The following PDE10A variants were observed in gnomAD, a reference collection of about 807,000 sequenced individuals.
PDE10A encodes cAMP and cAMP-inhibited cGMP 3',5'-cyclic phosphodiesterase 10A.
In PDE10A, 39 loss-of-function variants were observed where a neutral mutation model predicts 97.7. The ratio of observed to expected loss-of-function variants is 0.40; its 90% CI spans 0.31 to 0.52. The LOEUF (loss-of-function observed/expected upper bound fraction) is 0.52, where lower values mean the gene tolerates loss of function less well. Among genes scored for constraint, PDE10A ranks in the 20% least tolerant of loss-of-function variants. The probability of loss-of-function intolerance (pLI) is 0.56; values close to 1 mark genes in which losing one functional copy is unlikely to be tolerated. For missense variants in PDE10A, 731 were observed against 1,047.8 expected, an observed-to-expected ratio of 0.70 and a Z score of 4.17; for synonymous variants, 371 against 376.8, an observed-to-expected ratio of 0.98 and a Z score of 0.18.
chr6:165,875,353 G>T (rs1214192681), intron 1 of PDE10A, among the ~76,000 whole-genome samples: 3 of 152,132 alleles, frequency 2.0e-5, no homozygotes, highest in African/African-American at 7.2e-5. Flanking sequence ...GTCATACTTG[G>T]TCATCTTCAT....
chr6:165,361,544 C>T (rs1057095415), intron 18 of PDE10A, among the ~76,000 whole-genome samples: 24 of 152,046 alleles, frequency 1.6e-4, no homozygotes, highest in Non-Finnish European at 3.1e-4. Context: ...AGACATAATT[C>T]GTTAAGATGA....
intron 1 of PDE10A, among the ~76,000 whole-genome samples, chr6:165,748,139 A>G (rs193030968): frequency 3.0e-4 from 45 of 152,298 alleles, no homozygotes; most frequent in African/African-American, 8.9e-4. Context: ...AGGGTAGAGA[A>G]CCCATGTCAG....
chr6:165,757,058 C>T (rs1203386936), intron 1 of PDE10A, among the ~76,000 whole-genome samples: 1 of 151,932 alleles, frequency 6.6e-6, no homozygotes, highest in Non-Finnish European at 1.5e-5. Context: ...ACATCCACCT[C>T]CTGGGTTCAA....
intron 3 of PDE10A, among the ~76,000 whole-genome samples, chr6:165,471,676 T>A (rs1779017452): frequency 6.6e-6 from 1 of 152,120 alleles, no homozygotes; most frequent in Non-Finnish European, 1.5e-5. Context: ...TGTTTTAATA[T>A]CACATATCTG....
chr6:165,596,453 G>A (rs972218904), intron 1 of PDE10A, among the ~76,000 whole-genome samples: 2 of 152,194 alleles, frequency 1.3e-5, no homozygotes, highest in African/African-American at 4.8e-5. Context: ...AATGAACCAG[G>A]TGCAGCAGTT....
chr6:165,338,190 T>C (rs968697305), intron 20 of PDE10A, among the ~76,000 whole-genome samples: 1 of 152,226 alleles, frequency 6.6e-6, no homozygotes, highest in African/African-American at 2.4e-5. Context: ...GTGGAGGCAA[T>C]GGCCATTCAT....
At chr6:165,450,656 G>A (rs1791226953) in intron 3 of PDE10A, among the ~76,000 whole-genome samples, 2 of 151,870 alleles carry the variant, frequency 1.3e-5, no homozygotes, top group African/African-American at 4.8e-5. Context: ...CACCTCCTGG[G>A]CCCATCCTCC....
intron 1 of PDE10A, among the ~76,000 whole-genome samples, chr6:165,849,248 G>A (rs189576247): frequency 1.5e-3 from 230 of 152,166 alleles, no homozygotes; most frequent in African/African-American, 5.2e-3. Context: ...TAACACATTC[G>A]GAACTAGTAA....
intron 1 of PDE10A, among the ~76,000 whole-genome samples, chr6:165,565,069 T>C (rs1784709701): frequency 6.6e-6 from 1 of 152,126 alleles, no homozygotes; most frequent in East Asian, 1.9e-4. Context: ...ATTCCATTCA[T>C]AAAGTAGCCA....
intron 1 of PDE10A, among the ~76,000 whole-genome samples, chr6:165,848,771 G>C (rs982351405): frequency 1.3e-5 from 2 of 152,174 alleles, no homozygotes; most frequent in Admixed American, 1.3e-4. Flanking sequence ...GGGGAATCAA[G>C]GTTGGTTAAT....
chr6:165,655,563 T>A lies in PDE10A; in HGVS notation c.865+6384A>T, dbSNP rs1789905073. Among the ~76,000 whole-genome samples the A allele has an allele frequency of 6.6e-6, 1 of 152,080 alleles. No homozygotes were observed. ...AAACACCTCCTGAACCACCGCGGCATTTTGCTTCTACCATCATCGCCGTGA... is the reference window on the plus strand; with the variant it reads ...AAACACCTCCTGAACCACCGCGGCAATTTGCTTCTACCATCATCGCCGTGA... On this transcript the variant is annotated intron_variant, in intron 1 of 21. Transcript: ENST00000539869. The surrounding 1 kb of genome is among the most constrained non-coding windows in gnomAD (Gnocchi z 4.5).
intron 1 of PDE10A, 22 bp from the exon 2 acceptor site, chr6:165,543,590 T>C: frequency 6.3e-7 from 1 of 1,590,704 alleles, no homozygotes; most frequent in Non-Finnish European, 8.6e-7. Flanking sequence ...TTGAAAAGAA[T>C]AAAATTCACC....
chr6:165,856,540 C>T lies in PDE10A; in HGVS notation c.-615+130989G>A, dbSNP rs375481640. Among the ~76,000 whole-genome samples the T allele has an allele frequency of 1.6e-4, 25 of 152,308 alleles. No individual in the cohort carries two copies. The East Asian group carries it at 4.0e-3, about 25-fold the overall frequency. The stretch of plus-strand genomic sequence containing the variant: ...GATAAAGACTAGTTGTAGCTGTTTC[C>T]ATTCTGTAAATATGTATGCAATGTA... On this transcript the variant is annotated intron_variant, in intron 1 of 19. Coordinates refer to the PDE10A transcript ENST00000366882.
rs146661947 is a variant in PDE10A at position 165,634,252 on chromosome 6, C to CGT, written c.865+27693_865+27694dup. On this transcript the variant is annotated intron_variant, in intron 1 of 21. Transcript: ENST00000539869. ...GTCTGCAGCGGTGCCCACTGAAGAT[C>CGT]GTGTGTGTGTGTGTGGAGCGTCATG... 5.1e-3 allele frequency among the ~76,000 whole-genome samples: 775 copies of CGT among 151,574 alleles called. 29 individuals are homozygous for CGT. In the East Asian group the frequency reaches 0.092, roughly 18 times the overall value.
At chr6:165,951,010 C>A (rs1346128100) in intron 1 of PDE10A, among the ~76,000 whole-genome samples, 1 of 152,134 alleles carries the variant, frequency 6.6e-6, no homozygotes, top group African/African-American at 2.4e-5. Flanking sequence ...TGTGGGTTAT[C>A]TTGGTTCTTA....
At chr6:165,626,447 T>C (rs1788390595) in intron 1 of PDE10A, among the ~76,000 whole-genome samples, 1 of 152,148 alleles carries the variant, frequency 6.6e-6, no homozygotes, top group African/African-American at 2.4e-5. Flanking sequence ...TATAGAAAAT[T>C]TTCTGAGTTA....
chr6:165,946,359 C>G (rs1425700768), intron 1 of PDE10A, among the ~76,000 whole-genome samples: 2 of 151,958 alleles, frequency 1.3e-5, no homozygotes, highest in Admixed American at 1.3e-4. Context: ...GCCGGGTGTG[C>G]TGGCATGCGC....
At chr6:165,556,732 A>G (rs1784274281) in intron 1 of PDE10A, among the ~76,000 whole-genome samples, 1 of 152,334 alleles carries the variant, frequency 6.6e-6, no homozygotes, top group Admixed American at 6.5e-5. Flanking sequence ...TGAAAGGGCA[A>G]GTACAGCCTT....
intron 1 of PDE10A, among the ~76,000 whole-genome samples, chr6:165,724,718 T>A (rs1027402238): frequency 1.2e-4 from 19 of 152,364 alleles, no homozygotes; most frequent in African/African-American, 4.6e-4. Context: ...CAATGAGGTT[T>A]ACTTATATGA....
Sources: gnomAD v4.1 joint callset for allele counts (sites outside exome capture counted in the v4.1 genomes callset) on GRCh38, gnomAD v4.1.1 for gene constraint, Gnocchi (gnomAD v3.1) non-coding constraint, MANE v1.5 for transcripts, NCBI Gene and HGNC (gene_info 2026-07-23, HGNC 2026-07-21) for gene names.